SSX1: variants seen among roughly 807,000 people sequenced by gnomAD.
The protein encoded by SSX1 is SSX family member 1.
In SSX1, 58 loss-of-function variants were observed where a neutral mutation model predicts 14.6. The ratio of observed to expected loss-of-function variants is 3.96; its 90% CI spans 3.21 to 4.93. The LOEUF (loss-of-function observed/expected upper bound fraction) is 4.93, where lower values mean the gene tolerates loss of function less well. SSX1 is among the 30% of genes most tolerant of loss of function. The pLI is 0.00. For missense variants in SSX1, 272 were observed against 143.1 expected (o/e 1.90, Z -4.60); for synonymous variants, 46 against 52.1 (o/e 0.88, Z 0.50).
At chrX:48,257,035 A>G (rs1556934465) in intron 1 of SSX1, among the ~76,000 whole-genome samples, 187 bp from the exon 2 acceptor site, 1 of 111,290 alleles carries the variant, frequency 9.0e-6, no homozygotes, top group Non-Finnish European at 1.9e-5. Context: ...TACTTCTCCC[A>G]GAGACTCCAG....
Position 48,267,048 on chromosome X carries a change from A to G in SSX1, c.*199A>G. 2.1e-6 allele frequency: 1 copy of G among 487,615 alleles called. No individual in the cohort carries two copies. Among genetic ancestry groups the G allele is most frequent in the Non-Finnish European group, 3.6e-6 (1 of 281,545 alleles). The allele number at this position is 487,615 out of a possible 1,213,427, so 40.2% of individuals were successfully genotyped here. On this transcript the variant is annotated 3_prime_UTR_variant, in exon 8 of 8. Coordinates refer to ENST00000376919, the MANE Select transcript of SSX1 (RefSeq NM_005635.4). Reference sequence around the variant, plus strand: ...TAGTGTTTCCATTGTATTTTCTTACAGTGTGCCATTCTGTTAGATACTATC... The same window carrying G: ...TAGTGTTTCCATTGTATTTTCTTACGGTGTGCCATTCTGTTAGATACTATC...
chrX:48,255,913 T>A (rs1165723761), intron 1 of SSX1, among the ~76,000 whole-genome samples: 1 of 105,648 alleles, frequency 9.5e-6, no homozygotes. Context: ...TTTTTTTTTT[T>A]AGTAGAAACC....
At chrX:48,256,518 C>T (rs1289371892) in intron 1 of SSX1, among the ~76,000 whole-genome samples, 2 of 79,774 alleles carry the variant, frequency 2.5e-5, no homozygotes, top group East Asian at 4.2e-4. Flanking sequence ...CCAGGCTGGT[C>T]TCAACCTCCT....
At position 48,258,625 on chromosome X, in the gene SSX1, A is replaced by G. The variant is rs2059592907; in HGVS notation, c.274A>G (p.Ile92Val). ...NDFDNDHNRRIQVEHPQMTFG... is the reference protein window; with the variant it reads ...NDFDNDHNRRVQVEHPQMTFG... ...TTTTGATAATGACCATAACCGCAGG[A>G]TTCAGGGTGAGTAGATGGGAAGTGG... The change falls in exon 4 of 8, where the codon ATT becomes GTT. Residue 92 changes from isoleucine (I) to valine (V), a missense_variant. By Grantham distance (29) the Ile-to-Val change is conservative. Coordinates refer to ENST00000376919, the MANE Select transcript of SSX1 (RefSeq NM_005635.4). 2 of 1,199,520 alleles carry G rather than the reference A, an allele frequency of 1.7e-6. No homozygotes were observed. The highest frequency in any genetic ancestry group is 1.1e-6 in the Non-Finnish European group (1 of 885,408).
rs375158316 is a variant in SSX1, at chrX:48,257,857, C to G, written c.181C>G (p.Leu61Val). 2.2e-4 allele frequency: 254 copies of G among 1,148,575 alleles called. 1 individual carries two copies. Among genetic ancestry groups the G allele is most frequent in the Non-Finnish European group, 2.7e-4 (227 of 846,168 alleles). The allele number at this position is 1,148,575 out of a possible 1,213,427, so 94.7% of individuals were successfully genotyped here. A position where few individuals can be genotyped will look rare whatever the true frequency, so the allele number is the denominator to read the frequency against. ...GAGAAACTATAAGGCCATGACTAAA[C>G]TAGGTAACAGAAAGTTCTAGGAACA... ...MKRNYKAMTK[L>V]GFKVTLPPFM... Residue 61 changes from leucine (L) to valine (V), a missense_variant, in exon 3 of 8, where the codon CTA becomes GTA. Physicochemically the swap from Leu to Val is conservative, Grantham distance 32 (BLOSUM62 1). Coordinates refer to ENST00000376919, the MANE Select transcript of SSX1 (RefSeq NM_005635.4).
chrX:48,255,752 C>A (rs782567656), intron 1 of SSX1, among the ~76,000 whole-genome samples: 2 of 101,072 alleles, frequency 2.0e-5, no homozygotes, highest in Non-Finnish European at 4.0e-5. Context: ...CGAACCACCC[C>A]ACCCTCACTA....
In SSX1 at chrX:48,257,408, G is replaced by C. The variant is rs1457671806; in HGVS notation, c.69+98G>C. On this transcript the variant is annotated intron_variant, in intron 2 of 7. Coordinates refer to ENST00000376919, the MANE Select transcript of SSX1 (RefSeq NM_005635.4). ...AGGACAGAGGTACTGGGGACAAGGAGCAGGGTCTCGGGGGAGATCTGGACC... is the reference window on the plus strand; with the variant it reads ...AGGACAGAGGTACTGGGGACAAGGACCAGGGTCTCGGGGGAGATCTGGACC... 1.4e-5 allele frequency: 17 copies of C among 1,173,099 alleles called. No individual in the cohort carries two copies. In the South Asian group the frequency reaches 2.1e-4, roughly 15 times the overall value.
At chrX:48,264,498 T>C (rs1158759895) in intron 6 of SSX1, among the ~76,000 whole-genome samples, 1 of 112,686 alleles carries the variant, frequency 8.9e-6, no homozygotes, top group Non-Finnish European at 1.9e-5. Flanking sequence ...AATAATTTAT[T>C]GTTAAAAAAT....
rs782333707 is a variant in SSX1, at chrX:48,263,767, CTTCACATTATAAAGATCAT to C, written c.331-14_335del. 3 of 1,210,526 alleles carry C rather than the reference CTTCACATTATAAAGATCAT, an allele frequency of 2.5e-6. No homozygotes were observed. The highest frequency in any genetic ancestry group is 3.4e-6 in the Non-Finnish European group (3 of 894,783). On this transcript the variant is annotated splice_acceptor_variant and splice_polypyrimidine_tract_variant and coding_sequence_variant and intron_variant, in exon 6 of 8. Coordinates refer to ENST00000376919, the MANE Select transcript of SSX1 (RefSeq NM_005635.4). LOFTEE classifies it high-confidence loss of function. ...GTCACTGATACTGTTTATCTGTAACCTTCACATTATAAAGATCATGCCCAAGAAGCCAGCAGAGGACGAA... is the reference window on the plus strand; with the variant it reads ...GTCACTGATACTGTTTATCTGTAACCGCCCAAGAAGCCAGCAGAGGACGAA...
intron 5 of SSX1, among the ~76,000 whole-genome samples, chrX:48,263,446 C>T (rs112444645): frequency 0.015 from 1,407 of 91,247 alleles, 22 homozygotes; most frequent in African/African-American, 0.051. Context: ...TTTATAGAAG[C>T]TCTTCCTTTT....
At chrX:48,261,086 G>T (rs782300993) in intron 4 of SSX1, among the ~76,000 whole-genome samples, 3 of 111,840 alleles carry the variant, frequency 2.7e-5, no homozygotes, top group African/African-American at 9.7e-5. Context: ...ACAGGTTCTT[G>T]GGTAGAGATC....
At chrX:48,259,816 G>T (rs1320232437) in intron 4 of SSX1, among the ~76,000 whole-genome samples, 1 of 106,769 alleles carries the variant, frequency 9.4e-6, no homozygotes, top group Admixed American at 1.0e-4. Flanking sequence ...ATTCCATGGT[G>T]TATATGTGCC....
chrX:48,263,839 T>A lies in SSX1; in HGVS notation c.388T>A (p.Ser130Thr). The part of the protein sequence containing the change: ...ENDSKGVSEA[S>T]GPQNDGKQLH... ...TGATTCGAAGGGAGTGTCAGAAGCA[T>A]CTGGCCCACAAAACGATGGGAAACA... The change falls in exon 6 of 8, where the codon TCT becomes ACT. Residue 130 changes from serine to threonine, a missense_variant. Physicochemically the swap from Ser to Thr is moderately conservative, Grantham distance 58. Coordinates refer to ENST00000376919, the MANE Select transcript of SSX1 (RefSeq NM_005635.4). The A allele has an allele frequency of 8.3e-7, 1 of 1,211,585 alleles. No homozygotes were observed. The highest frequency in any genetic ancestry group is 1.1e-6 in the Non-Finnish European group (1 of 895,352).
intron 6 of SSX1, among the ~76,000 whole-genome samples, chrX:48,264,722 A>G (rs2059617498): frequency 8.9e-6 from 1 of 112,634 alleles, no homozygotes; most frequent in Non-Finnish European, 1.9e-5. Context: ...ATGCTATTCG[A>G]TAGCATTTAG....
Position 48,258,648 on chromosome X carries a change from T to G in SSX1, c.280+17T>G, listed in dbSNP as rs1556934973. The G allele has an allele frequency of 7.8e-6, 9 of 1,157,898 alleles. No individual in the cohort carries two copies. The highest frequency in any genetic ancestry group is 4.5e-5 in the Admixed American group (2 of 44,620). On this transcript the variant is annotated intron_variant, in intron 4 of 7. Transcript: ENST00000376919. ...GGATTCAGGGTGAGTAGATGGGAAGTGGCTGGAAAGGTCTCCTGAAGCCCA... is the reference window on the plus strand; with the variant it reads ...GGATTCAGGGTGAGTAGATGGGAAGGGGCTGGAAAGGTCTCCTGAAGCCCA...
chrX:48,259,487 C>T (rs2059596362), intron 4 of SSX1, among the ~76,000 whole-genome samples: 1 of 110,234 alleles, frequency 9.1e-6, no homozygotes, highest in Admixed American at 9.7e-5. Flanking sequence ...TTTTAGGGTA[C>T]ATGTGCACAA....
At chrX:48,260,087 A>G (rs1212710825) in intron 4 of SSX1, among the ~76,000 whole-genome samples, 12 of 96,665 alleles carry the variant, frequency 1.2e-4, no homozygotes, top group Non-Finnish European at 2.1e-4. Flanking sequence ...AAGTGTTCCT[A>G]TTTCTCCACA....
At chrX:48,259,373 GA>G (rs1486691952) in intron 4 of SSX1, among the ~76,000 whole-genome samples, 44 of 111,734 alleles carry the variant, frequency 3.9e-4, no homozygotes, top group African/African-American at 1.4e-3. Context: ...AGATGCGACT[GA>G]ACTCAATATT....
rs1569452751 is a variant in SSX1, at chrX:48,267,280, C to CACACAGAGAGAGAG, written c.*436_*437insGAGAGAGAGACACA. 2 of 217,875 alleles carry CACACAGAGAGAGAG rather than the reference C, an allele frequency of 9.2e-6. No homozygotes were observed. The highest frequency in any genetic ancestry group is 1.9e-4 in the South Asian group (2 of 10,608). The allele number at this position is 217,875 out of a possible 1,213,427, so 18.0% of individuals were successfully genotyped here. On this transcript the variant is annotated 3_prime_UTR_variant, in exon 8 of 8. Coordinates refer to ENST00000376919, the MANE Select transcript of SSX1 (RefSeq NM_005635.4). ...TTACACACACACACACACACACACGCACACACACACACCAAGTACCAGTAT... is the reference window on the plus strand; with the variant it reads ...TTACACACACACACACACACACACGCACACAGAGAGAGAGACACACACACACCAAGTACCAGTAT...
Sources: allele counts gnomAD v4.1 joint callset (sites outside exome capture counted in the v4.1 genomes callset), GRCh38; gene constraint gnomAD v4.1.1; transcripts MANE v1.5; gene names NCBI Gene and HGNC (gene_info 2026-07-23, HGNC 2026-07-21).